CDH20: variants seen among roughly 807,000 people sequenced by gnomAD.
CDH20 encodes cadherin 20.
A neutral mutation model predicts 74.2 loss-of-function variants in CDH20; 29 were observed. The ratio of observed to expected loss-of-function variants is 0.39; its 90% CI spans 0.29 to 0.53. The LOEUF (loss-of-function observed/expected upper bound fraction) is 0.53. Among genes scored for constraint, CDH20 ranks in the 20% least tolerant of loss-of-function variants. The probability of loss-of-function intolerance (pLI) is 0.69; values close to 1 mark genes in which losing one functional copy is unlikely to be tolerated. For missense variants in CDH20, 988 were observed against 1,048.3 expected (o/e 0.94, Z 0.79); for synonymous variants, 469 against 405.4 (o/e 1.16, Z -1.88).
At chr18:61,354,398 G>A (rs923097154) in intron 1 of CDH20, among the ~76,000 whole-genome samples, 23 of 152,016 alleles carry the variant, frequency 1.5e-4, no homozygotes, top group African/African-American at 3.1e-4. Flanking sequence ...ACCTGAGGTC[G>A]GACATTTGAG....
chr18:61,372,235 C>T (rs8084236), intron 1 of CDH20, among the ~76,000 whole-genome samples: 10,654 of 152,072 alleles, frequency 0.07, 460 homozygotes, highest in Non-Finnish European at 0.1. Context: ...AGGATTTCTT[C>T]TCCCCACAAT....
intron 3 of CDH20, 90 bp from the exon 4 acceptor site, chr18:61,500,293 T>C: frequency 1.4e-6 from 2 of 1,383,646 alleles, no homozygotes; most frequent in Non-Finnish European, 2.0e-6. Context: ...AGCAAACACA[T>C]TTGCAAATGC....
intron 1 of CDH20, among the ~76,000 whole-genome samples, chr18:61,450,061 T>TAGCAGCAGC (rs373273228): frequency 6.6e-6 from 1 of 151,950 alleles, no homozygotes; most frequent in Non-Finnish European, 1.5e-5. Context: ...CATATTTTAG[T>TAGCAGCAGC]AGCAGCAGCA....
chr18:61,480,916 T>C (rs1270878081), intron 1 of CDH20, among the ~76,000 whole-genome samples: 4 of 152,234 alleles, frequency 2.6e-5, no homozygotes, highest in Non-Finnish European at 5.9e-5. Context: ...TGACTTTGTA[T>C]TGTCTTTATC....
intron 10 of CDH20, among the ~76,000 whole-genome samples, chr18:61,546,796 T>C (rs1423218089): frequency 6.6e-6 from 1 of 151,798 alleles, no homozygotes; most frequent in African/African-American, 2.4e-5. Context: ...TCTTGGAAGG[T>C]TTCCCAAAAC....
rs116080560 is a variant in CDH20, at chr18:61,529,483, A to G, written c.1271+1263A>G. Among the ~76,000 whole-genome samples the G allele has an allele frequency of 3.5e-3, 532 of 152,242 alleles. 1 individual carries two copies. The highest frequency in any genetic ancestry group is 0.014 in the Middle Eastern group (4 of 294). On this transcript the variant is annotated intron_variant, in intron 7 of 11. Transcript: ENST00000262717. ...CAAAAACGATTTTATTTGAATTCTG[A>G]TATTTGATTTTTTCAAAGGCAACTA...
chr18:61,467,036 T>C (rs1399095209), intron 1 of CDH20, among the ~76,000 whole-genome samples: 1 of 152,074 alleles, frequency 6.6e-6, no homozygotes, highest in East Asian at 1.9e-4. Flanking sequence ...AGTTCTTTGT[T>C]ACAAACAAGG....
At chr18:61,509,134 C>T (rs187391202) in intron 6 of CDH20, among the ~76,000 whole-genome samples, 14 of 152,282 alleles carry the variant, frequency 9.2e-5, no homozygotes, top group African/African-American at 2.9e-4. Flanking sequence ...ATATACTGCT[C>T]AGGTGATGGG....
intron 8 of CDH20, among the ~76,000 whole-genome samples, chr18:61,538,215 C>T (rs1290320972): frequency 6.6e-6 from 1 of 152,172 alleles, no homozygotes; most frequent in Admixed American, 6.5e-5. Context: ...ATTCAAAGAA[C>T]TGATGATTCC....
intron 1 of CDH20, among the ~76,000 whole-genome samples, chr18:61,411,721 G>C (rs1380778017): frequency 1.3e-5 from 2 of 151,926 alleles, no homozygotes; most frequent in African/African-American, 4.8e-5. Flanking sequence ...AACCTGGATG[G>C]GATTGGAGAC....
intron 6 of CDH20, among the ~76,000 whole-genome samples, chr18:61,512,864 G>A (rs567684179): frequency 6.6e-6 from 1 of 152,252 alleles, no homozygotes; most frequent in East Asian, 1.9e-4. Flanking sequence ...TGTGGTCTGA[G>A]AGACAGTTTG....
chr18:61,418,150 C>A (rs922270532), intron 1 of CDH20, among the ~76,000 whole-genome samples: 1 of 152,146 alleles, frequency 6.6e-6, no homozygotes, highest in Non-Finnish European at 1.5e-5. Context: ...TTGAATAGAA[C>A]AATTCTTTTT....
intron 2 of CDH20, among the ~76,000 whole-genome samples, chr18:61,497,090 T>TAAAA (rs758611157): frequency 9.3e-5 from 12 of 129,440 alleles, no homozygotes; most frequent in Admixed American, 1.5e-4. Flanking sequence ...ATTTGGATTG[T>TAAAA]AAAAAAAAAA....
chr18:61,490,108 A>G (rs1438958106), intron 1 of CDH20, among the ~76,000 whole-genome samples: 1 of 152,196 alleles, frequency 6.6e-6, no homozygotes, highest in Admixed American at 6.5e-5. Flanking sequence ...AATTCAAACC[A>G]ATCAATAATA....
At chr18:61,535,885 T>C (rs1027210141) in intron 7 of CDH20, among the ~76,000 whole-genome samples, 1 of 152,156 alleles carries the variant, frequency 6.6e-6, no homozygotes, top group African/African-American at 2.4e-5. Context: ...TTATTTACAG[T>C]AAACAACCTA....
intron 1 of CDH20, among the ~76,000 whole-genome samples, chr18:61,401,093 A>G (rs1912137716): frequency 6.6e-6 from 1 of 152,196 alleles, no homozygotes; most frequent in South Asian, 2.1e-4. Flanking sequence ...CTGCATCTCC[A>G]GCATCCATGC....
intron 1 of CDH20, among the ~76,000 whole-genome samples, chr18:61,488,094 ATG>A (rs1555680139): frequency 1.3e-5 from 2 of 151,134 alleles, no homozygotes; most frequent in Non-Finnish European, 3.0e-5. Context: ...ATATATATAT[ATG>A]TACGTATATA....
intron 6 of CDH20, among the ~76,000 whole-genome samples, chr18:61,508,526 T>TAA (rs74428895): frequency 6.6e-5 from 10 of 152,100 alleles, no homozygotes; most frequent in African/African-American, 1.4e-4. Flanking sequence ...AAAGAGTGGA[T>TAA]AAAAAAACTG....
intron 8 of CDH20, 144 bp downstream of exon 8, chr18:61,536,773 C>T (rs17811317): frequency 0.044 from 30,596 of 697,778 alleles, 835 homozygotes; most frequent in Non-Finnish European, 0.053. Context: ...TAAGTAAATG[C>T]GTTCAGTTCA....
Sources: allele counts gnomAD v4.1 joint callset (sites outside exome capture counted in the v4.1 genomes callset), GRCh38; gene constraint gnomAD v4.1.1; transcripts MANE v1.5; gene names NCBI Gene and HGNC (gene_info 2026-07-23, HGNC 2026-07-21).